SIPA1L3: variants seen among roughly 807,000 people sequenced by gnomAD.
The protein encoded by SIPA1L3 is signal-induced proliferation-associated 1-like protein 3.
A neutral mutation model predicts 150.1 loss-of-function variants in SIPA1L3; 59 were observed. The observed-to-expected ratio is 0.39, with a 90% CI of 0.32 to 0.49. SIPA1L3 has a LOEUF of 0.49. Ranked by LOEUF, SIPA1L3 falls within the 20% of genes least tolerant of loss-of-function variation. The pLI, the probability that SIPA1L3 is intolerant of heterozygous loss-of-function variation, is 0.86. For synonymous variants in SIPA1L3, 1,070 were observed against 1,077.6 expected (o/e 0.99, Z 0.14); for missense variants, 2,211 against 2,489.5 (o/e 0.89, Z 2.38).
intron 1 of SIPA1L3, among the ~76,000 whole-genome samples, chr19:37,926,935 C>T (rs929937649): frequency 6.6e-6 from 1 of 151,964 alleles, no homozygotes; most frequent in African/African-American, 2.4e-5. Context: ...AGATATTATT[C>T]TCCCTTTGCA....
chr19:38,146,167 CTT>C (rs1971700383), intron 12 of SIPA1L3, among the ~76,000 whole-genome samples: 1 of 152,138 alleles, frequency 6.6e-6, no homozygotes, highest in African/African-American at 2.4e-5. Flanking sequence ...CCCAACCTGT[CTT>C]TTAATTATTG....
chr19:38,142,664 A>AC lies in SIPA1L3; in HGVS notation c.3492dup (p.Gly1165ArgfsTer26), dbSNP rs1568573490. On this transcript the variant is annotated frameshift_variant, in exon 12 of 22. Transcript: ENST00000222345. LOFTEE classifies it high-confidence loss of function. ...CCGACAGCCTTCTGGGAGCTTCTCCACCCCCGGTTCGGCCACCTACGTGAG... is the reference window on the plus strand; with the variant it reads ...CCGACAGCCTTCTGGGAGCTTCTCCACCCCCCGGTTCGGCCACCTACGTGAG... The AC allele has an allele frequency of 2.5e-6, 4 of 1,613,526 alleles. No individual in the cohort carries two copies. Among genetic ancestry groups the AC allele is most frequent in the Admixed American group, 1.7e-5 (1 of 59,958 alleles).
chr19:37,913,331 G>A (rs188061348), intron 1 of SIPA1L3, among the ~76,000 whole-genome samples: 6 of 152,216 alleles, frequency 3.9e-5, no homozygotes, highest in African/African-American at 1.2e-4. Context: ...CAGTCAACAA[G>A]ACAGACAAGA....
At chr19:38,048,960 G>A (rs1309975642) in intron 2 of SIPA1L3, among the ~76,000 whole-genome samples, 1 of 152,084 alleles carries the variant, frequency 6.6e-6, no homozygotes, top group Admixed American at 6.6e-5. Context: ...GTGCACACCT[G>A]TAGTCCCAGC....
chr19:38,003,495 C>G (rs1012302847), intron 1 of SIPA1L3, among the ~76,000 whole-genome samples: 1 of 152,180 alleles, frequency 6.6e-6, no homozygotes, highest in Non-Finnish European at 1.5e-5. Context: ...GCAGGGATCC[C>G]CAGATGGGCG....
At chr19:38,104,556 G>A (rs887073920) in intron 6 of SIPA1L3, among the ~76,000 whole-genome samples, 2 of 152,108 alleles carry the variant, frequency 1.3e-5, no homozygotes, top group African/African-American at 2.4e-5. Flanking sequence ...GCAGGTGTGA[G>A]TGTTAGTATT....
intron 1 of SIPA1L3, among the ~76,000 whole-genome samples, chr19:37,976,104 T>TAAAA (rs374630193): frequency 1.2e-4 from 15 of 120,344 alleles, no homozygotes; most frequent in African/African-American, 3.9e-4. Flanking sequence ...GGCTCTGTCT[T>TAAAA]AAAAAAAAAA....
intron 1 of SIPA1L3, among the ~76,000 whole-genome samples, chr19:37,910,028 A>G (rs2046365425): frequency 6.6e-6 from 1 of 151,384 alleles, no homozygotes; most frequent in Admixed American, 6.6e-5. Flanking sequence ...TGTAGAATGA[A>G]TGATCTAAGA....
intron 1 of SIPA1L3, among the ~76,000 whole-genome samples, chr19:37,923,749 TG>T (rs1219562458): frequency 1.3e-5 from 2 of 152,084 alleles, no homozygotes; most frequent in Non-Finnish European, 2.9e-5. Context: ...ATTTCTTAAC[TG>T]TTTGGGTTTT....
At chr19:38,071,364 G>A (rs1483493312) in intron 2 of SIPA1L3, among the ~76,000 whole-genome samples, 1 of 152,008 alleles carries the variant, frequency 6.6e-6, no homozygotes, top group Non-Finnish European at 1.5e-5. Context: ...TCGGCTCACT[G>A]CCACCTCCCT....
chr19:38,167,614 G>A (rs1972238972), intron 15 of SIPA1L3, among the ~76,000 whole-genome samples: 2 of 152,144 alleles, frequency 1.3e-5, no homozygotes, highest in Admixed American at 6.5e-5. Flanking sequence ...CCAGGCTGGG[G>A]TGCAGTAGTA....
chr19:38,093,724 C>T (rs925813139), intron 4 of SIPA1L3, among the ~76,000 whole-genome samples: 1 of 152,186 alleles, frequency 6.6e-6, no homozygotes, highest in Non-Finnish European at 1.5e-5. Flanking sequence ...CCCCAGATGG[C>T]CGTCCCCAGC....
chr19:37,978,515 G>A (rs1366271324), intron 1 of SIPA1L3, among the ~76,000 whole-genome samples: 1 of 152,188 alleles, frequency 6.6e-6, no homozygotes, highest in Non-Finnish European at 1.5e-5. Flanking sequence ...AAAATAACTT[G>A]CCTGTTGTGT....
At chr19:38,078,530 ACACAGACACG>A (rs1374777579) in intron 2 of SIPA1L3, among the ~76,000 whole-genome samples, 5 of 145,170 alleles carry the variant, frequency 3.4e-5, no homozygotes, top group Non-Finnish European at 6.3e-5. Context: ...ACACAGACGC[ACACAGACACG>A]CACACACACA....
chr19:37,984,234 T>C (rs1008284392), intron 1 of SIPA1L3, among the ~76,000 whole-genome samples: 1 of 151,952 alleles, frequency 6.6e-6, no homozygotes, highest in Non-Finnish European at 1.5e-5. Context: ...CCAAGCACAG[T>C]CAAAGAGAAA....
At chr19:38,192,365 A>AT in intron 17 of SIPA1L3, 55 bp downstream of exon 17, 1 of 1,500,476 alleles carries the variant, frequency 6.7e-7, no homozygotes. Context: ...GGGATCCCAG[A>AT]TCTGGGCAGG....
At chr19:37,933,017 C>T (rs1008468926) in intron 1 of SIPA1L3, among the ~76,000 whole-genome samples, 7 of 147,308 alleles carry the variant, frequency 4.8e-5, no homozygotes, top group South Asian at 2.2e-4. Context: ...CGCCTGAGTC[C>T]GCTTTCCTCT....
chr19:37,962,817 G>C (rs1006849800), intron 1 of SIPA1L3, among the ~76,000 whole-genome samples: 5 of 152,110 alleles, frequency 3.3e-5, no homozygotes, highest in Non-Finnish European at 7.3e-5. Context: ...GTTGAACACT[G>C]AACATTTTAG....
chr19:37,967,075 G>A (rs534960362), intron 1 of SIPA1L3, among the ~76,000 whole-genome samples: 38 of 152,194 alleles, frequency 2.5e-4, no homozygotes, highest in African/African-American at 7.7e-4. Flanking sequence ...GTCTGGGCTC[G>A]GGCTGGGTTG....
Sources: gnomAD v4.1 joint callset for allele counts (sites outside exome capture counted in the v4.1 genomes callset) on GRCh38, gnomAD v4.1.1 for gene constraint, MANE v1.5 for transcripts, NCBI Gene and HGNC (gene_info 2026-07-23, HGNC 2026-07-21) for gene names.